The following BTBD9 variants were observed in gnomAD, a reference collection of about 807,000 sequenced individuals.
The protein encoded by BTBD9 is BTB domain containing 9, also known as BTB/POZ domain-containing protein 9.
Under a neutral mutation model 64.3 loss-of-function variants are expected in BTBD9, and 49 were observed. The ratio of observed to expected loss-of-function variants is 0.76; its 90% CI spans 0.61 to 0.97. The LOEUF (loss-of-function observed/expected upper bound fraction) is 0.97, where lower values mean the gene tolerates loss of function less well. Ranked by LOEUF, BTBD9 falls within the 50% of genes least tolerant of loss-of-function variation. The pLI is 0.00. For synonymous variants in BTBD9, 260 were observed against 274.7 expected (o/e 0.95, Z 0.53); for missense variants, 598 against 762.1 (o/e 0.78, Z 2.53).
At position 38,594,419 on chromosome 6, in the gene BTBD9, T is replaced by C. The variant is rs117564767; in HGVS notation, c.186-92A>G. 190 of 1,397,730 alleles carry C rather than the reference T, an allele frequency of 1.4e-4. 3 individuals are homozygous for C. The East Asian group carries it at 4.6e-3, about 34-fold the overall frequency. 86.6% of individuals were successfully genotyped at this position (1,397,730 alleles called of 1,614,324 possible). A position where few individuals can be genotyped will look rare whatever the true frequency, so the allele number is the denominator to read the frequency against. ...AACAGTTATCAACATTATGCAAATA[T>C]AAATTTTTTTAATGACACAAAGATC... is the stretch of plus-strand genomic sequence containing the variant. On this transcript the variant is annotated intron_variant, in intron 2 of 10. Coordinates refer to ENST00000481247, the MANE Select transcript of BTBD9 (RefSeq NM_001099272.2).
intron 6 of BTBD9, among the ~76,000 whole-genome samples, chr6:38,552,285 G>C (rs1774836378): frequency 6.6e-6 from 1 of 152,186 alleles, no homozygotes; most frequent in Non-Finnish European, 1.5e-5. Context: ...TACATGCAAA[G>C]AGAGAACAAG....
At chr6:38,199,293 TAC>T (rs899933677) in intron 9 of BTBD9, among the ~76,000 whole-genome samples, 3 of 152,104 alleles carry the variant, frequency 2.0e-5, no homozygotes, top group African/African-American at 7.2e-5. Flanking sequence ...GCCCCCGTGA[TAC>T]AGTCTTAAAC....
intron 9 of BTBD9, among the ~76,000 whole-genome samples, chr6:38,241,806 A>G (rs1764001932): frequency 6.6e-6 from 1 of 152,196 alleles, no homozygotes; most frequent in African/African-American, 2.4e-5. Context: ...AAAACCACAC[A>G]TGCAAGTCTC....
At chr6:38,615,440 C>A (rs1241136967) in intron 1 of BTBD9, among the ~76,000 whole-genome samples, 2 of 152,132 alleles carry the variant, frequency 1.3e-5, no homozygotes, top group Non-Finnish European at 2.9e-5. Context: ...ACCCAACCAC[C>A]TCCCCAAACT....
chr6:38,232,893 CA>C (rs1582089237), intron 9 of BTBD9, among the ~76,000 whole-genome samples: 1 of 152,144 alleles, frequency 6.6e-6, no homozygotes, highest in African/African-American at 2.4e-5. Context: ...TGGCTGATTC[CA>C]ACAAGCCCTT....
At position 38,171,505 on chromosome 6, in the gene BTBD9, T is replaced by G. The variant is rs892774545; in HGVS notation, c.*3480A>C. 3 of 148,866 alleles carry G rather than the reference T, an allele frequency of 2.0e-5. No homozygotes were observed. Among genetic ancestry groups the G allele is most frequent in the Non-Finnish European group, 4.4e-5 (3 of 67,536 alleles). The allele number at this position is 148,866 out of a possible 1,614,324, so 9.2% of individuals were successfully genotyped here. ...ATCCATCATGGCTTGTGCTTCTAAC[T>G]AAAATCAAAGGAATGAAAGCAGAAA... On this transcript the variant is annotated 3_prime_UTR_variant, in exon 11 of 11. Coordinates refer to ENST00000481247, the MANE Select transcript of BTBD9 (RefSeq NM_001099272.2).
chr6:38,485,287 C>T (rs1313515407), intron 6 of BTBD9, among the ~76,000 whole-genome samples: 2 of 152,226 alleles, frequency 1.3e-5, no homozygotes, highest in African/African-American at 4.8e-5. Flanking sequence ...TCACGAATCA[C>T]AAATATTCTT....
intron 7 of BTBD9, among the ~76,000 whole-genome samples, chr6:38,325,219 A>G (rs1195516706): frequency 6.6e-6 from 1 of 152,194 alleles, no homozygotes; most frequent in Non-Finnish European, 1.5e-5. Context: ...TTTTACAAGA[A>G]TAGGAGTATA....
chr6:38,392,753 G>A (rs532316832), intron 6 of BTBD9, among the ~76,000 whole-genome samples: 26 of 151,224 alleles, frequency 1.7e-4, no homozygotes, highest in African/African-American at 5.8e-4. Flanking sequence ...GAGGGAAACT[G>A]AAAACAAAAC....
intron 6 of BTBD9, among the ~76,000 whole-genome samples, chr6:38,453,892 C>T (rs1047255885): frequency 2.0e-5 from 3 of 152,220 alleles, no homozygotes; most frequent in African/African-American, 7.2e-5. Flanking sequence ...GTTGAAGACA[C>T]ATTCCAAATC....
intron 6 of BTBD9, among the ~76,000 whole-genome samples, chr6:38,548,286 C>T (rs893529382): frequency 6.6e-6 from 1 of 152,286 alleles, no homozygotes; most frequent in Non-Finnish European, 1.5e-5. Flanking sequence ...AATTCATTTC[C>T]CTTTCATTTA....
chr6:38,396,039 T>C (rs1766656015), intron 6 of BTBD9, among the ~76,000 whole-genome samples: 2 of 152,280 alleles, frequency 1.3e-5, no homozygotes, highest in East Asian at 3.9e-4. Flanking sequence ...TGGGGTGATC[T>C]GTTACACAGC....
chr6:38,192,418 C>T, intron 10 of BTBD9, 101 bp downstream of exon 10: 2 of 1,052,136 alleles, frequency 1.9e-6, no homozygotes, highest in Non-Finnish European at 2.9e-6. Flanking sequence ...GAATAGCAGG[C>T]CATTAGCAGG....
At chr6:38,180,557 G>GTC (rs34651235) in intron 10 of BTBD9, among the ~76,000 whole-genome samples, 102,930 of 151,920 alleles carry the variant, frequency 0.68, 36,037 homozygotes, top group Non-Finnish European at 0.74. Flanking sequence ...CAAGTCCTGA[G>GTC]TCTCTTTGCT....
intron 6 of BTBD9, among the ~76,000 whole-genome samples, chr6:38,347,250 C>A (rs1764317791): frequency 6.6e-6 from 1 of 152,094 alleles, no homozygotes; most frequent in African/African-American, 2.4e-5. Context: ...ACATTTTATA[C>A]CCTTATGATA....
At chr6:38,572,163 T>C (rs1259328976) in intron 6 of BTBD9, among the ~76,000 whole-genome samples, 1 of 152,186 alleles carries the variant, frequency 6.6e-6, no homozygotes, top group Non-Finnish European at 1.5e-5. Flanking sequence ...CTTATAATTA[T>C]GTGATGTGCT....
intron 6 of BTBD9, among the ~76,000 whole-genome samples, chr6:38,574,759 T>C (rs185169657): frequency 6.6e-6 from 1 of 152,168 alleles, no homozygotes; most frequent in East Asian, 1.9e-4. Context: ...ACAACACAAA[T>C]ATGAGGTGAA....
At chr6:38,222,254 GTTGTTTTT>G (rs1763224562) in intron 9 of BTBD9, among the ~76,000 whole-genome samples, 1 of 96,702 alleles carries the variant, frequency 1.0e-5, no homozygotes, top group Non-Finnish European at 1.9e-5. Context: ...AATTCATTCA[GTTGTTTTT>G]TTTTTTTTTT....
intron 6 of BTBD9, among the ~76,000 whole-genome samples, chr6:38,576,217 T>C (rs1776025649): frequency 6.6e-6 from 1 of 152,118 alleles, no homozygotes; most frequent in South Asian, 2.1e-4. Context: ...AATCTCCTCC[T>C]CTATGTGGGG....
Sources: allele counts gnomAD v4.1 joint callset (sites outside exome capture counted in the v4.1 genomes callset), GRCh38; gene constraint gnomAD v4.1.1; transcripts MANE v1.5; gene names NCBI Gene and HGNC (gene_info 2026-07-23, HGNC 2026-07-21).